The following TLL1 variants were observed in gnomAD, a reference collection of about 807,000 sequenced individuals.
TLL1 encodes the protein tolloid like 1.
TLL1 carries 49 observed loss-of-function variants against 128.2 expected under a neutral mutation model. The ratio of observed to expected loss-of-function variants is 0.38; its 90% CI spans 0.30 to 0.48. TLL1 has a LOEUF of 0.48. TLL1 is among the 20% of genes least tolerant of loss of function. The probability of loss-of-function intolerance (pLI) is 0.96; values close to 1 mark genes in which losing one functional copy is unlikely to be tolerated. For synonymous variants in TLL1, 454 were observed against 418.8 expected (o/e 1.08, Z -1.03); for missense variants, 1,123 against 1,242.0 (o/e 0.90, Z 1.44).
intron 1 of TLL1, among the ~76,000 whole-genome samples, chr4:165,917,731 A>T (rs757352351): frequency 2.0e-5 from 3 of 152,112 alleles, no homozygotes; most frequent in Non-Finnish European, 4.4e-5. Flanking sequence ...TTTAGTTAAG[A>T]TTGGGCATAT....
chr4:166,042,282 A>C lies in TLL1; in HGVS notation c.1378+139A>C, dbSNP rs1739273743. On this transcript the variant is annotated intron_variant, in intron 11 of 20. Transcript: ENST00000061240. ...TGAATCTGTATTATAATATTCATAC[A>C]GATAATTTTAACAGTAAATTTAAAT... 6 of 633,388 alleles carry C rather than the reference A, an allele frequency of 9.5e-6. No homozygotes were observed. The Admixed American group carries it at 1.2e-4, about 12-fold the overall frequency. 39.2% of individuals were successfully genotyped at this position (633,388 alleles called of 1,614,324 possible). A position where few individuals can be genotyped will look rare whatever the true frequency, so the allele number is the denominator to read the frequency against.
rs753897302 is a variant in TLL1 at position 165,994,414 on chromosome 4, T to C, written c.395T>C (p.Val132Ala). ...LEQNNTVKGK[V>A]PLQFSGQNEK... ...CAAAACAACACAGTTAAGGGAAAAG[T>C]ACCTCTACAATTCTCAGGGCAAAAT... Residue 132 changes from valine to alanine, a missense_variant, in exon 4 of 21, where the codon GTA becomes GCA. Transcript: ENST00000061240. 1.9e-6 allele frequency: 3 copies of C among 1,613,914 alleles called. No homozygotes were observed. Among genetic ancestry groups the C allele is most frequent in the South Asian group, 2.2e-5 (2 of 91,088 alleles).
intron 12 of TLL1, among the ~76,000 whole-genome samples, chr4:166,046,997 G>A (rs899517942): frequency 6.6e-6 from 1 of 151,892 alleles, no homozygotes; most frequent in Non-Finnish European, 1.5e-5. Flanking sequence ...GTTTACATAT[G>A]TTTTCAATAT....
chr4:165,995,972 T>C (rs556555874), intron 5 of TLL1, among the ~76,000 whole-genome samples: 1 of 152,292 alleles, frequency 6.6e-6, no homozygotes, highest in South Asian at 2.1e-4. Context: ...ATTATCTTTT[T>C]TTAATAATCT....
In TLL1 at chr4:166,042,036, G is replaced by C; in HGVS notation, c.1271G>C (p.Cys424Ser). 1 of 1,609,756 alleles carries C rather than the reference G, an allele frequency of 6.2e-7. No individual in the cohort carries two copies. Among genetic ancestry groups the C allele is most frequent in the Non-Finnish European group, 8.5e-7 (1 of 1,176,562 alleles). The part of the protein sequence containing the change: ...WRKSPLLGRF[C>S]GDKLPEVLTS... Reference sequence around the variant, plus strand: ...CTTTTATTTCTTTTAGGTAGATTCTGTGGGGACAAATTGCCTGAAGTTCTT... The same window carrying C: ...CTTTTATTTCTTTTAGGTAGATTCTCTGGGGACAAATTGCCTGAAGTTCTT... The change falls in exon 11 of 21, where the codon TGT becomes TCT. Residue 424 changes from cysteine (C) to serine (S), a missense_variant. By Grantham distance (112) the Cys-to-Ser change is moderately radical. Around this residue, in one of 3 missense-constraint regions of TLL1, gnomAD observed 480 missense variants for 542.4 expected, o/e 0.89. Coordinates refer to ENST00000061240, the MANE Select transcript of TLL1 (RefSeq NM_012464.5).
At chr4:165,999,481 CT>C (rs1406239747) in intron 5 of TLL1, among the ~76,000 whole-genome samples, 2 of 152,102 alleles carry the variant, frequency 1.3e-5, no homozygotes, top group Admixed American at 1.3e-4. Flanking sequence ...TGAGAACTCC[CT>C]TATTATCACG....
intron 1 of TLL1, among the ~76,000 whole-genome samples, chr4:165,935,358 G>A (rs1733715663): frequency 6.6e-6 from 1 of 152,134 alleles, no homozygotes; most frequent in Non-Finnish European, 1.5e-5. Flanking sequence ...GAAAGAGTCA[G>A]TATTACCTGT....
intron 1 of TLL1, among the ~76,000 whole-genome samples, chr4:165,875,712 C>A (rs1470480635): frequency 6.6e-6 from 1 of 152,120 alleles, no homozygotes; most frequent in Admixed American, 6.5e-5. Flanking sequence ...TTGTAACTTG[C>A]TGAAAATTGT....
intron 1 of TLL1, among the ~76,000 whole-genome samples, chr4:165,887,198 A>G (rs748245083): frequency 3.3e-5 from 5 of 152,198 alleles, no homozygotes; most frequent in Non-Finnish European, 7.3e-5. Context: ...GATTATAGTC[A>G]TATGTTATAA....
Position 165,952,355 on chromosome 4 carries a change from C to T in TLL1, c.170-37026C>T, listed in dbSNP as rs1366376283. ...TACAGCTTCCAGAAAGCATTTGGAA[C>T]ATTAGATTATATTGTATTCTGGTTT... On this transcript the variant is annotated intron_variant, in intron 1 of 20. Transcript: ENST00000061240. Among the ~76,000 whole-genome samples, 5 of 152,190 alleles carry T rather than the reference C, an allele frequency of 3.3e-5. No individual in the cohort carries two copies. The East Asian group carries it at 9.7e-4, about 29-fold the overall frequency.
intron 1 of TLL1, among the ~76,000 whole-genome samples, chr4:165,957,321 C>T (rs62327241): frequency 0.14 from 21,058 of 151,942 alleles, 1,765 homozygotes; most frequent in Middle Eastern, 0.22. Flanking sequence ...AATATATAGG[C>T]GTCCAATGTT....
intron 8 of TLL1, among the ~76,000 whole-genome samples, chr4:166,015,160 T>G (rs1383966561): frequency 6.6e-6 from 1 of 152,052 alleles, no homozygotes; most frequent in Non-Finnish European, 1.5e-5. Context: ...AAGAAAAAGA[T>G]TCTGTTTTCC....
chr4:165,919,861 G>C (rs779335039), intron 1 of TLL1: 2 of 455,704 alleles, frequency 4.4e-6, no homozygotes, highest in South Asian at 3.1e-5. Context: ...GCAGTGTTGG[G>C]GCAATGCCTG....
intron 1 of TLL1, among the ~76,000 whole-genome samples, chr4:165,910,564 G>T (rs997994816): frequency 6.6e-6 from 1 of 152,018 alleles, no homozygotes; most frequent in East Asian, 1.9e-4. Context: ...ATCCTATGTA[G>T]AGCCACACAT....
intron 1 of TLL1, among the ~76,000 whole-genome samples, chr4:165,922,509 C>G (rs929082093): frequency 8.5e-5 from 13 of 152,154 alleles, no homozygotes; most frequent in African/African-American, 2.4e-4. Flanking sequence ...TTTGTTCTTC[C>G]TTTGCTTACT....
At position 165,891,466 on chromosome 4, in the gene TLL1, C is replaced by G. The variant is rs538662053; in HGVS notation, c.169+17393C>G. 7.2e-5 allele frequency among the ~76,000 whole-genome samples: 11 copies of G among 152,264 alleles called. No individual in the cohort carries two copies. The East Asian group carries it at 2.1e-3, about 29-fold the overall frequency. On this transcript the variant is annotated intron_variant, in intron 1 of 20. Transcript: ENST00000061240. ...GAATAAAACTGAGTGCTTTTAAGAGCACTCAAGTCACTTCTTGAATGCTTT... is the reference window on the plus strand; with the variant it reads ...GAATAAAACTGAGTGCTTTTAAGAGGACTCAAGTCACTTCTTGAATGCTTT...
At chr4:165,952,110 T>C (rs921359761) in intron 1 of TLL1, among the ~76,000 whole-genome samples, 38 of 152,154 alleles carry the variant, frequency 2.5e-4, no homozygotes, top group African/African-American at 9.2e-4. Flanking sequence ...ATATTTCCCA[T>C]GTGATTAAAA....
chr4:166,078,401 C>T (rs1031634939), intron 18 of TLL1, among the ~76,000 whole-genome samples: 6 of 152,114 alleles, frequency 3.9e-5, no homozygotes, highest in Non-Finnish European at 7.4e-5. Context: ...TCACTTAAAC[C>T]CGGCATAACA....
intron 17 of TLL1, among the ~76,000 whole-genome samples, chr4:166,077,143 A>G (rs1741070852): frequency 6.6e-6 from 1 of 152,142 alleles, no homozygotes; most frequent in African/African-American, 2.4e-5. Context: ...ATATAGAAAG[A>G]GCACAGCTTG....
Sources: gnomAD v4.1 joint callset for allele counts (sites outside exome capture counted in the v4.1 genomes callset) on GRCh38, gnomAD v4.1.1 for gene constraint, gnomAD v4.1.1 regional missense constraint, MANE v1.5 for transcripts, NCBI Gene and HGNC (gene_info 2026-07-23, HGNC 2026-07-21) for gene names.